PIGU: variants seen among roughly 807,000 people sequenced by gnomAD.
The protein encoded by PIGU is phosphatidylinositol glycan anchor biosynthesis class U.
A neutral mutation model predicts 49.9 loss-of-function variants in PIGU; 24 were observed. The ratio of observed to expected loss-of-function variants is 0.48; its 90% CI spans 0.35 to 0.68. The LOEUF is 0.68. Among genes scored for constraint, PIGU ranks in the 30% least tolerant of loss-of-function variants. PIGU has a pLI of 0.01. For synonymous variants in PIGU, 220 were observed against 205.7 expected, an observed-to-expected ratio of 1.07 and a Z score of -0.59; for missense variants, 490 against 532.6, an observed-to-expected ratio of 0.92 and a Z score of 0.79.
At chr20:34,671,352 C>G (rs1156587772) in intron 1 of PIGU, among the ~76,000 whole-genome samples, 4 of 151,960 alleles carry the variant, frequency 2.6e-5, no homozygotes, top group Admixed American at 6.6e-5. Context: ...ACCTCTGCCC[C>G]CCGGGTTCAA....
intron 9 of PIGU, among the ~76,000 whole-genome samples, chr20:34,584,288 G>C (rs542167734): frequency 6.6e-6 from 1 of 152,168 alleles, no homozygotes; most frequent in Non-Finnish European, 1.5e-5. Flanking sequence ...ACCTGGAATG[G>C]AGCAGGCCTA....
Position 34,666,562 on chromosome 20 carries a change from T to C in PIGU, c.131-9318A>G, listed in dbSNP as rs138802541. 7.0e-3 allele frequency among the ~76,000 whole-genome samples: 1,055 copies of C among 151,786 alleles called. 10 individuals carry two copies. Among genetic ancestry groups the C allele is most frequent in the Non-Finnish European group, 0.011 (714 of 67,944 alleles). ...TATTTATTTTTAGAGACAGGGGCCT[T>C]AATCTTTTGCCCAGGCTGGAATGCA... On this transcript the variant is annotated intron_variant, in intron 1 of 11. Coordinates refer to ENST00000217446, the MANE Select transcript of PIGU (RefSeq NM_080476.5).
chr20:34,619,062 A>G, intron 6 of PIGU, among the ~76,000 whole-genome samples: 1 of 152,224 alleles, frequency 6.6e-6, no homozygotes, highest in East Asian at 1.9e-4. Context: ...AACCAAGGAA[A>G]CTCACCAGCT....
chr20:34,673,253 C>CAA (rs71282179), intron 1 of PIGU, among the ~76,000 whole-genome samples: 1,303 of 88,592 alleles, frequency 0.015, 25 homozygotes, highest in African/African-American at 0.024. Context: ...GACTCCGTCT[C>CAA]AAAAAAAAAA....
intron 4 of PIGU, among the ~76,000 whole-genome samples, chr20:34,640,523 ACACACACACACACC>A (rs1368691351): frequency 5.5e-4 from 66 of 119,596 alleles, no homozygotes; most frequent in Non-Finnish European, 9.9e-4. Flanking sequence ...ACACACACAC[ACACACACACACACC>A]CCTTAAGAAA....
intron 1 of PIGU, among the ~76,000 whole-genome samples, chr20:34,663,580 A>AAGGT (rs1192798546): frequency 2.0e-5 from 3 of 152,180 alleles, no homozygotes; most frequent in African/African-American, 7.2e-5. Context: ...TACCCTAAAG[A>AAGGT]AGGTAGGGTA....
chr20:34,618,080 A>G (rs946583680), intron 6 of PIGU, among the ~76,000 whole-genome samples: 2 of 152,134 alleles, frequency 1.3e-5, no homozygotes, highest in Non-Finnish European at 2.9e-5. Flanking sequence ...TAAATTGCCC[A>G]GTCTCGGACT....
At chr20:34,603,847 C>G (rs1280306129) in intron 7 of PIGU, among the ~76,000 whole-genome samples, 1 of 151,390 alleles carries the variant, frequency 6.6e-6, no homozygotes, top group Non-Finnish European at 1.5e-5. Context: ...TGTTTCTAGA[C>G]CTTTTAGTGG....
chr20:34,600,932 G>A (rs1168973173), intron 7 of PIGU, among the ~76,000 whole-genome samples: 3 of 152,066 alleles, frequency 2.0e-5, no homozygotes, highest in Admixed American at 1.3e-4. Flanking sequence ...TATTCGGGAG[G>A]CTAAGGCAGG....
intron 1 of PIGU, among the ~76,000 whole-genome samples, chr20:34,666,221 A>C (rs1375123088): frequency 6.6e-6 from 1 of 152,130 alleles, no homozygotes; most frequent in Non-Finnish European, 1.5e-5. Context: ...TGCTGAAAAC[A>C]CTTTAAAGTC....
intron 7 of PIGU, among the ~76,000 whole-genome samples, chr20:34,599,737 A>C (rs1304023492): frequency 6.6e-6 from 1 of 152,200 alleles, no homozygotes; most frequent in Non-Finnish European, 1.5e-5. Context: ...GACTTTAAGG[A>C]TGATGGAAGT....
intron 2 of PIGU, among the ~76,000 whole-genome samples, chr20:34,650,947 C>G (rs1264813668): frequency 2.0e-5 from 3 of 151,780 alleles, no homozygotes; most frequent in African/African-American, 7.3e-5. Flanking sequence ...CTCCTGACCT[C>G]AGGTGATCCG....
chr20:34,601,210 T>C (rs1285631273), intron 7 of PIGU, among the ~76,000 whole-genome samples: 1 of 152,154 alleles, frequency 6.6e-6, no homozygotes, highest in African/African-American at 2.4e-5. Context: ...GAAAATGATT[T>C]TTTTTCTTGG....
At chr20:34,649,149 GA>G (rs747135059) in intron 2 of PIGU, among the ~76,000 whole-genome samples, 9 of 152,048 alleles carry the variant, frequency 5.9e-5, no homozygotes, top group Non-Finnish European at 1.0e-4. Context: ...TTACAGGTGT[GA>G]GCCACCACGC....
At chr20:34,563,126 C>T (rs573710358) in intron 11 of PIGU, among the ~76,000 whole-genome samples, 10 of 152,020 alleles carry the variant, frequency 6.6e-5, no homozygotes, top group Non-Finnish European at 1.3e-4. Context: ...TATGATCCAA[C>T]CTAATATAAA....
intron 8 of PIGU, among the ~76,000 whole-genome samples, chr20:34,587,041 T>A (rs1311565784): frequency 6.6e-6 from 1 of 152,170 alleles, no homozygotes; most frequent in Non-Finnish European, 1.5e-5. Context: ...AATGGGTTAA[T>A]CCCACCATAT....
At chr20:34,651,937 A>G (rs771891686) in intron 2 of PIGU, among the ~76,000 whole-genome samples, 17 of 151,938 alleles carry the variant, frequency 1.1e-4, no homozygotes, top group South Asian at 8.3e-4. Context: ...GACCCCCCCC[A>G]TCTCTACAAA....
At chr20:34,676,855 C>T (rs1199849507) in intron 1 of PIGU, 101 bp downstream of exon 1, 23 of 1,427,134 alleles carry the variant, frequency 1.6e-5, no homozygotes, top group Admixed American at 2.1e-5. Flanking sequence ...AGTTAGTTCT[C>T]TAGGAACCGC....
chr20:34,578,937 T>A (rs1201902687), intron 10 of PIGU: 2 of 152,052 alleles, frequency 1.3e-5, no homozygotes, highest in Non-Finnish European at 2.9e-5. Flanking sequence ...GCTTATCCAA[T>A]CTCTGGCACC....
Sources: gnomAD v4.1 joint callset for allele counts (sites outside exome capture counted in the v4.1 genomes callset) on GRCh38, gnomAD v4.1.1 for gene constraint, MANE v1.5 for transcripts, NCBI Gene and HGNC (gene_info 2026-07-23, HGNC 2026-07-21) for gene names.